GSTCD: variants seen among roughly 807,000 people sequenced by gnomAD.
GSTCD encodes the protein glutathione S-transferase C-terminal domain containing.
Under a neutral mutation model 68.3 loss-of-function variants are expected in GSTCD, and 44 were observed. The observed-to-expected ratio is 0.64, with a 90% CI of 0.51 to 0.83. The LOEUF (loss-of-function observed/expected upper bound fraction) is 0.83. GSTCD is among the 40% of genes least tolerant of loss of function. GSTCD has a pLI of 0.00. For synonymous variants in GSTCD, 273 were observed against 255.2 expected, an observed-to-expected ratio of 1.07 and a Z score of -0.67; for missense variants, 739 against 735.9, an observed-to-expected ratio of 1.00 and a Z score of -0.05.
intron 5 of GSTCD, among the ~76,000 whole-genome samples, chr4:105,739,896 G>A (rs1370276939): frequency 2.6e-5 from 4 of 152,156 alleles, no homozygotes; most frequent in Admixed American, 1.3e-4. Flanking sequence ...CGTTTCTCCA[G>A]GAATGAGTGT....
At chr4:105,762,351 A>G (rs1734442176) in intron 5 of GSTCD, among the ~76,000 whole-genome samples, 2 of 152,236 alleles carry the variant, frequency 1.3e-5, no homozygotes, top group South Asian at 4.1e-4. Flanking sequence ...AATTATATCA[A>G]ACAAAACTAT....
chr4:105,820,005 A>C (rs2149272900), intron 5 of GSTCD, among the ~76,000 whole-genome samples: 1 of 151,956 alleles, frequency 6.6e-6, no homozygotes, highest in East Asian at 1.9e-4. Context: ...TTTATAAGTA[A>C]GTTATAACTT....
At chr4:105,819,398 A>G (rs766930851) in intron 5 of GSTCD, among the ~76,000 whole-genome samples, 4 of 151,832 alleles carry the variant, frequency 2.6e-5, no homozygotes, top group Non-Finnish European at 5.9e-5. Context: ...ACTTTTGCAC[A>G]TAATTAACAC....
intron 1 of GSTCD, among the ~76,000 whole-genome samples, chr4:105,717,352 G>T (rs967261788): frequency 1.3e-5 from 2 of 152,100 alleles, no homozygotes; most frequent in Admixed American, 6.5e-5. Flanking sequence ...CAAAGCACTG[G>T]GGTTTGCTCA....
intron 5 of GSTCD, among the ~76,000 whole-genome samples, chr4:105,731,953 T>C (rs1166536805): frequency 6.6e-6 from 1 of 152,228 alleles, no homozygotes; most frequent in Non-Finnish European, 1.5e-5. Flanking sequence ...GAGATAATCA[T>C]GTGGTTTTTG....
intron 5 of GSTCD, among the ~76,000 whole-genome samples, chr4:105,743,032 C>T (rs113899210): frequency 0.055 from 8,120 of 147,604 alleles, 252 homozygotes; most frequent in Middle Eastern, 0.14. Flanking sequence ...TCACTGCAAG[C>T]GCCGCCTCCC....
chr4:105,750,460 C>CAAAAAAAA (rs1024094979), intron 5 of GSTCD, among the ~76,000 whole-genome samples: 1 of 51,272 alleles, frequency 2.0e-5, no homozygotes, highest in African/African-American at 6.3e-5. Context: ...AACTCCGTCT[C>CAAAAAAAA]AAAAAAAAAA....
chr4:105,769,557 C>T (rs1166989528), intron 5 of GSTCD, among the ~76,000 whole-genome samples: 1 of 152,142 alleles, frequency 6.6e-6, no homozygotes, highest in East Asian at 1.9e-4. Context: ...CCTTCCTCTG[C>T]ACCTTTGCAA....
intron 5 of GSTCD, among the ~76,000 whole-genome samples, chr4:105,804,951 GT>G (rs1347118278): frequency 2.0e-5 from 3 of 152,048 alleles, no homozygotes; most frequent in Admixed American, 2.0e-4. Context: ...TTCCATCCAT[GT>G]CCCTGCAAAG....
intron 5 of GSTCD, among the ~76,000 whole-genome samples, chr4:105,753,754 A>G (rs555273377): frequency 6.6e-6 from 1 of 152,226 alleles, no homozygotes; most frequent in South Asian, 2.1e-4. Flanking sequence ...CATAAACTAT[A>G]CATACCTGCT....
intron 5 of GSTCD, among the ~76,000 whole-genome samples, chr4:105,766,035 T>C (rs1734593432): frequency 6.6e-6 from 1 of 152,206 alleles, no homozygotes. Context: ...TAATTGGAGA[T>C]ACTCTAGCAT....
intron 4 of GSTCD, 54 bp downstream of exon 4, chr4:105,726,884 G>A (rs1243127128): frequency 7.4e-7 from 1 of 1,352,944 alleles, no homozygotes; most frequent in Non-Finnish European, 1.0e-6. Context: ...ATATTGCTGA[G>A]CATTCTACTC....
At position 105,812,161 on chromosome 4, in the gene GSTCD, A is replaced by G. The variant is rs115482909; in HGVS notation, c.1241-10793A>G. Among the ~76,000 whole-genome samples, 1,307 of 152,180 alleles carry G rather than the reference A, an allele frequency of 8.6e-3. 20 individuals are homozygous for G. Among genetic ancestry groups the G allele is most frequent in the African/African-American group, 0.029 (1,209 of 41,510 alleles). The stretch of plus-strand genomic sequence containing the variant: ...TGATAAATGTTACGCATCCCACCTG[A>G]GTTTTTCTGTGGTAAATTTACTTCA... On this transcript the variant is annotated intron_variant, in intron 5 of 11. Coordinates refer to ENST00000515279, the MANE Select transcript of GSTCD (RefSeq NM_001370181.1).
At position 105,804,017 on chromosome 4, in the gene GSTCD, A is replaced by C. The variant is rs1736233251; in HGVS notation, c.1241-18937A>C. On this transcript the variant is annotated intron_variant, in intron 5 of 11. Coordinates refer to ENST00000515279, the MANE Select transcript of GSTCD (RefSeq NM_001370181.1). ...GTTTTTGTAAAGCTGGATAATGGAT[A>C]CTTCAGTAGTTTTTATCATCACCAT... is the stretch of plus-strand genomic sequence containing the variant. 2.0e-5 allele frequency among the ~76,000 whole-genome samples: 3 copies of C among 151,964 alleles called. No homozygotes were observed. The South Asian group carries it at 6.2e-4, about 31-fold the overall frequency.
chr4:105,737,072 A>G (rs1307962180), intron 5 of GSTCD, among the ~76,000 whole-genome samples: 1 of 152,104 alleles, frequency 6.6e-6, no homozygotes, highest in Non-Finnish European at 1.5e-5. Flanking sequence ...ATATCTCTTC[A>G]CTATACTGAT....
intron 5 of GSTCD, among the ~76,000 whole-genome samples, chr4:105,797,760 C>CTTTTTTTTTTTT (rs70941218): frequency 1.3e-4 from 11 of 84,952 alleles, no homozygotes; most frequent in African/African-American, 4.3e-4. Context: ...CACAATAGAA[C>CTTTTTTTTTTTT]TTTTTTTTTT....
At chr4:105,733,343 A>G (rs970131005) in intron 5 of GSTCD, among the ~76,000 whole-genome samples, 2 of 152,150 alleles carry the variant, frequency 1.3e-5, no homozygotes, top group African/African-American at 4.8e-5. Flanking sequence ...GTAGGTCTCT[A>G]AGGACTTGCT....
chr4:105,746,189 T>TATATATTATAATAC (rs1733796560), intron 5 of GSTCD: 1 of 152,198 alleles, frequency 6.6e-6, no homozygotes, highest in South Asian at 2.1e-4. Flanking sequence ...ACACATATTT[T>TATATATTATAATAC]ATATGTTATA....
At chr4:105,727,484 C>T (rs4373160) in intron 4 of GSTCD, among the ~76,000 whole-genome samples, 8,086 of 149,892 alleles carry the variant, frequency 0.054, 252 homozygotes, top group Middle Eastern at 0.14. Context: ...GAGATTGTAC[C>T]GCTGTACTCC....
Sources: allele counts gnomAD v4.1 joint callset (sites outside exome capture counted in the v4.1 genomes callset), GRCh38; gene constraint gnomAD v4.1.1; transcripts MANE v1.5; gene names NCBI Gene and HGNC (gene_info 2026-07-23, HGNC 2026-07-21).